DST: variants seen among roughly 807,000 people sequenced by gnomAD.
DST encodes dystonin.
A neutral mutation model predicts 875.2 loss-of-function variants in DST; 253 were observed. The observed-to-expected ratio is 0.29, with a 90% CI of 0.26 to 0.32. The LOEUF (loss-of-function observed/expected upper bound fraction) is 0.32. Ranked by LOEUF, DST falls within the 10% of genes least tolerant of loss-of-function variation. The pLI is 1.00. For synonymous variants in DST, 3,124 were observed against 3,197.1 expected (o/e 0.98, Z 0.77); for missense variants, 8,287 against 9,111.6 (o/e 0.91, Z 3.68).
chr6:56,585,991 T>C (rs2098139342), intron 49 of DST, among the ~76,000 whole-genome samples: 1 of 152,138 alleles, frequency 6.6e-6, no homozygotes, highest in African/African-American at 2.4e-5. Flanking sequence ...CTTTTACATT[T>C]GCTGAGGAGA....
At chr6:56,544,241 G>A (rs1329949782) in intron 61 of DST, among the ~76,000 whole-genome samples, 1 of 152,190 alleles carries the variant, frequency 6.6e-6, no homozygotes, top group Non-Finnish European at 1.5e-5. Flanking sequence ...CTCTTGATAT[G>A]TAAGCTTAGA....
At chr6:56,711,756 GAGAAGAAC>G (rs1563810689) in intron 5 of DST, among the ~76,000 whole-genome samples, 1 of 152,118 alleles carries the variant, frequency 6.6e-6, no homozygotes, top group Admixed American at 6.5e-5. Flanking sequence ...ATATGAGAGA[GAGAAGAAC>G]AGCTAATAAA....
intron 24 of DST, among the ~76,000 whole-genome samples, chr6:56,635,277 T>C (rs2098813846): frequency 6.6e-6 from 1 of 152,134 alleles, no homozygotes; most frequent in Non-Finnish European, 1.5e-5. Context: ...CTGCTGTAGC[T>C]CTAGAACCTA....
intron 9 of DST, among the ~76,000 whole-genome samples, chr6:56,689,289 A>C (rs2099211074): frequency 6.6e-6 from 1 of 152,190 alleles, no homozygotes. Context: ...AGAAATAAAG[A>C]AGACTGCCTA....
Position 56,487,222 on chromosome 6 carries a change from T to C in DST, c.20929A>G (p.Arg6977Gly), listed in dbSNP as rs1210364140. 10 of 1,612,250 alleles carry C rather than the reference T, an allele frequency of 6.2e-6. No homozygotes were observed. Among genetic ancestry groups the C allele is most frequent in the Non-Finnish European group, 8.5e-6 (10 of 1,178,976 alleles). The part of the protein sequence containing the change: ...AKHSVYDTTN[R>G]TGRSLKEKTS... ...TTCTCCTTCAGAGAACGTCCAGTCC[T>C]GTTGGTGGTGTCGTAGACAGAATGC... is the stretch of plus-strand genomic sequence containing the variant. The change falls in exon 87 of 104, where the codon AGG becomes GGG. Residue 6977 changes from arginine (R) to glycine (G), a missense_variant. Physicochemically the swap from Arg to Gly is moderately radical, Grantham distance 125 (BLOSUM62 -2). Coordinates refer to ENST00000680361, the MANE Select transcript of DST (RefSeq NM_001374736.1).
chr6:56,518,153 T>A (rs566373973), intron 69 of DST, among the ~76,000 whole-genome samples: 11 of 152,322 alleles, frequency 7.2e-5, no homozygotes, highest in African/African-American at 2.6e-4. Flanking sequence ...GATTCATGTA[T>A]AATTTTTAAG....
At chr6:56,696,446 G>C (rs2099264386) in intron 9 of DST, among the ~76,000 whole-genome samples, 1 of 152,106 alleles carries the variant, frequency 6.6e-6, no homozygotes, top group African/African-American at 2.4e-5. Flanking sequence ...ACAGGTGTGA[G>C]CCACCGTGCA....
At chr6:56,908,522 A>C (rs1003688432) in intron 2 of DST, among the ~76,000 whole-genome samples, 1 of 152,220 alleles carries the variant, frequency 6.6e-6, no homozygotes, top group African/African-American at 2.4e-5. Context: ...GATCTCTTGA[A>C]ATACTATTTA....
At chr6:56,916,739 TTC>T (rs1311090161) in intron 2 of DST, among the ~76,000 whole-genome samples, 4 of 111,462 alleles carry the variant, frequency 3.6e-5, no homozygotes, top group African/African-American at 1.1e-4. Context: ...AGACAAGATC[TTC>T]TCTCTCTCTC....
chr6:56,875,832 A>G (rs1779408574), intron 3 of DST, among the ~76,000 whole-genome samples: 1 of 151,774 alleles, frequency 6.6e-6, no homozygotes, highest in Non-Finnish European at 1.5e-5. Context: ...TTCAAGCCCC[A>G]TGGGCAACTC....
At chr6:56,538,918 A>T (rs1010001148) in intron 61 of DST, among the ~76,000 whole-genome samples, 1 of 152,122 alleles carries the variant, frequency 6.6e-6, no homozygotes, top group African/African-American at 2.4e-5. Context: ...TAAAGATAGA[A>T]TTTGGCATTA....
chr6:56,534,889 A>G (rs906752061), intron 63 of DST, among the ~76,000 whole-genome samples: 9 of 152,196 alleles, frequency 5.9e-5, no homozygotes, highest in Non-Finnish European at 1.2e-4. Context: ...TTTGAACTCA[A>G]TGAGAAATGT....
intron 4 of DST, among the ~76,000 whole-genome samples, chr6:56,777,199 G>A (rs1221908367): frequency 2.0e-5 from 3 of 151,928 alleles, no homozygotes; most frequent in Non-Finnish European, 2.9e-5. Flanking sequence ...TATGTTTAAG[G>A]CAATCCAACA....
intron 87 of DST, among the ~76,000 whole-genome samples, chr6:56,486,356 C>T (rs1353740200): frequency 8.0e-6 from 1 of 125,186 alleles, no homozygotes; most frequent in Non-Finnish European, 1.6e-5. Flanking sequence ...GAGCGAGACT[C>T]CGTCTCAAAA....
At position 56,559,098 on chromosome 6, in the gene DST, T is replaced by C. The variant is rs141465701; in HGVS notation, c.14440+1196A>G. On this transcript the variant is annotated intron_variant, in intron 58 of 103. Transcript: ENST00000680361. ...TAACACACTAAAGGGATGACTTTAATAGAACACAATCACTGAAACCTTACC... is the reference window on the plus strand; with the variant it reads ...TAACACACTAAAGGGATGACTTTAACAGAACACAATCACTGAAACCTTACC... 1.1e-4 allele frequency among the ~76,000 whole-genome samples: 16 copies of C among 152,254 alleles called. 1 individual carries two copies. The highest frequency in any genetic ancestry group is 1.9e-4 in the East Asian group (1 of 5,190).
chr6:56,891,195 C>A (rs992381607), intron 3 of DST, among the ~76,000 whole-genome samples: 1 of 152,208 alleles, frequency 6.6e-6, no homozygotes. Flanking sequence ...AAGGAGCCAA[C>A]AGCCTTCTCA....
At chr6:56,831,200 T>C (rs916911791) in intron 4 of DST, among the ~76,000 whole-genome samples, 6 of 152,246 alleles carry the variant, frequency 3.9e-5, no homozygotes, top group African/African-American at 1.4e-4. Context: ...GAGCCATGGC[T>C]AAAACTTATT....
At chr6:56,660,825 C>T (rs2099036529) in intron 10 of DST, among the ~76,000 whole-genome samples, 1 of 150,436 alleles carries the variant, frequency 6.6e-6, no homozygotes, top group Admixed American at 6.6e-5. Context: ...AGATGAGAAA[C>T]AGTATATTTT....
chr6:56,744,238 T>C (rs543676125), intron 4 of DST, among the ~76,000 whole-genome samples: 1 of 151,698 alleles, frequency 6.6e-6, no homozygotes, highest in Non-Finnish European at 1.5e-5. Flanking sequence ...GCTTAATGAC[T>C]CTAAAGAGTG....
Sources: allele counts gnomAD v4.1 joint callset (sites outside exome capture counted in the v4.1 genomes callset), GRCh38; gene constraint gnomAD v4.1.1; transcripts MANE v1.5; gene names NCBI Gene and HGNC (gene_info 2026-07-23, HGNC 2026-07-21).